The following CDH20 variants were observed in gnomAD, a reference collection of about 807,000 sequenced individuals.
CDH20 encodes cadherin-20.
In CDH20, 29 loss-of-function variants were observed where a neutral mutation model predicts 74.2. The observed-to-expected ratio is 0.39, with a 90% confidence interval of 0.29 to 0.53. The LOEUF is 0.53. Among genes scored for constraint, CDH20 ranks in the 20% least tolerant of loss-of-function variants. The pLI is 0.69. For synonymous variants in CDH20, 469 were observed against 405.4 expected, an observed-to-expected ratio of 1.16 and a Z score of -1.88; for missense variants, 988 against 1,048.3, an observed-to-expected ratio of 0.94 and a Z score of 0.79.
intron 1 of CDH20, among the ~76,000 whole-genome samples, chr18:61,346,777 A>AT (rs778080372): frequency 2.0e-5 from 3 of 152,180 alleles, no homozygotes; most frequent in East Asian, 3.9e-4. Flanking sequence ...TAGGTGAGTG[A>AT]TTTTTTATAT....
intron 1 of CDH20, among the ~76,000 whole-genome samples, chr18:61,475,006 T>C (rs1395208991): frequency 6.6e-6 from 1 of 151,994 alleles, no homozygotes; most frequent in Non-Finnish European, 1.5e-5. Flanking sequence ...CCAGATTGTG[T>C]AGGTCCTTAA....
intron 1 of CDH20, among the ~76,000 whole-genome samples, chr18:61,384,551 T>G (rs975300224): frequency 1.3e-5 from 2 of 152,196 alleles, no homozygotes; most frequent in Admixed American, 1.3e-4. Context: ...CCAAAAAGAT[T>G]GGCTGTCATT....
intron 1 of CDH20, among the ~76,000 whole-genome samples, chr18:61,478,579 C>T (rs76971604): frequency 0.029 from 4,411 of 152,048 alleles, 100 homozygotes; most frequent in Middle Eastern, 0.11. Context: ...TTTGTTTTTC[C>T]GTGTATTCTA....
intron 1 of CDH20, among the ~76,000 whole-genome samples, chr18:61,488,814 C>T (rs749792066): frequency 6.6e-6 from 1 of 152,022 alleles, no homozygotes; most frequent in Non-Finnish European, 1.5e-5. Flanking sequence ...GTCATCAATT[C>T]GTTTCCTGGG....
intron 1 of CDH20, among the ~76,000 whole-genome samples, chr18:61,456,415 C>T (rs1310733233): frequency 6.6e-6 from 1 of 152,080 alleles, no homozygotes; most frequent in Admixed American, 6.6e-5. Flanking sequence ...TTATATTTGG[C>T]AGTTAAAACC....
intron 1 of CDH20, among the ~76,000 whole-genome samples, chr18:61,381,201 C>T (rs116769995): frequency 5.1e-4 from 77 of 152,192 alleles, no homozygotes; most frequent in African/African-American, 1.8e-3. Context: ...GACAAAGATG[C>T]TTGGAGCTAA....
intron 1 of CDH20, among the ~76,000 whole-genome samples, chr18:61,401,380 T>C (rs928757796): frequency 2.0e-5 from 3 of 152,230 alleles, no homozygotes; most frequent in Non-Finnish European, 4.4e-5. Context: ...TTGGGTTCTA[T>C]ACATTAGTGA....
At chr18:61,373,206 A>G (rs1234742355) in intron 1 of CDH20, among the ~76,000 whole-genome samples, 4 of 151,102 alleles carry the variant, frequency 2.6e-5, no homozygotes, top group African/African-American at 9.7e-5. Context: ...CTAAGGCAGG[A>G]TTTTACTTTG....
chr18:61,472,269 G>A (rs1255546009), intron 1 of CDH20, among the ~76,000 whole-genome samples: 2 of 151,984 alleles, frequency 1.3e-5, no homozygotes, highest in Admixed American at 1.3e-4. Flanking sequence ...TCAGCAACTT[G>A]GGGGCTGGCT....
chr18:61,551,832 T>G (rs1430927209), intron 11 of CDH20, among the ~76,000 whole-genome samples: 1 of 152,152 alleles, frequency 6.6e-6, no homozygotes, highest in Non-Finnish European at 1.5e-5. Context: ...AGTTAAAAGT[T>G]CGCCCTGGCC....
chr18:61,387,964 GAA>G (rs34955035), intron 1 of CDH20, among the ~76,000 whole-genome samples: 3 of 146,274 alleles, frequency 2.1e-5, no homozygotes, highest in Non-Finnish European at 4.5e-5. Context: ...TTATAGTGGG[GAA>G]AAAAAAAAAC....
chr18:61,524,765 A>G (rs1912327059), intron 6 of CDH20, among the ~76,000 whole-genome samples: 1 of 152,210 alleles, frequency 6.6e-6, no homozygotes, highest in South Asian at 2.1e-4. Flanking sequence ...TACTGAAAAT[A>G]CAAAAATTAG....
At chr18:61,525,542 C>A (rs1165432456) in intron 6 of CDH20, among the ~76,000 whole-genome samples, 2 of 152,068 alleles carry the variant, frequency 1.3e-5, no homozygotes, top group Admixed American at 6.6e-5. Flanking sequence ...GAAAACCTTG[C>A]CTTTTCAATG....
intron 6 of CDH20, among the ~76,000 whole-genome samples, chr18:61,523,243 A>G (rs900021189): frequency 6.6e-6 from 1 of 151,938 alleles, no homozygotes; most frequent in Non-Finnish European, 1.5e-5. Context: ...CAACCACATC[A>G]AAAAGCGGGC....
intron 3 of CDH20, 63 bp downstream of exon 3, chr18:61,499,543 C>T: frequency 9.1e-6 from 11 of 1,207,860 alleles, no homozygotes; most frequent in African/African-American, 1.5e-5. Context: ...CACACACACA[C>T]ATATGCACAT....
intron 1 of CDH20, among the ~76,000 whole-genome samples, chr18:61,389,517 T>A (rs1053662457): frequency 6.6e-6 from 1 of 152,212 alleles, no homozygotes; most frequent in African/African-American, 2.4e-5. Context: ...TGAATTTGTA[T>A]ACTTATTCAA....
chr18:61,499,361 C>T lies in CDH20; in HGVS notation c.422C>T (p.Thr141Met), dbSNP rs761069057. 3.2e-5 allele frequency: 51 copies of T among 1,613,874 alleles called. No homozygotes were observed. Among genetic ancestry groups the T allele is most frequent in the South Asian group, 2.7e-4 (25 of 91,044 alleles). Residue 141 changes from threonine to methionine, a missense_variant, in exon 3 of 12, where the codon ACG becomes ATG. Coordinates refer to ENST00000262717, the MANE Select transcript of CDH20 (RefSeq NM_031891.4). The part of the protein sequence containing the change: ...TLRAQALDRR[T>M]GRPMEPESEF... ...AGGGCTCAAGCCCTAGACAGGCGGA[C>T]GGGCAGGCCAATGGAGCCCGAGTCA...
intron 1 of CDH20, among the ~76,000 whole-genome samples, chr18:61,432,819 T>C (rs1188853873): frequency 1.3e-5 from 2 of 152,342 alleles, no homozygotes; most frequent in Non-Finnish European, 2.9e-5. Context: ...CCCTTCTTCC[T>C]TTCTTCCCTC....
At chr18:61,404,515 G>C (rs1423455660) in intron 1 of CDH20, among the ~76,000 whole-genome samples, 2 of 152,156 alleles carry the variant, frequency 1.3e-5, no homozygotes, top group East Asian at 3.9e-4. Flanking sequence ...GATCTGTAGG[G>C]AGCAATGAAA....
Sources: gnomAD v4.1 joint callset for allele counts (sites outside exome capture counted in the v4.1 genomes callset) on GRCh38, gnomAD v4.1.1 for gene constraint, MANE v1.5 for transcripts, NCBI Gene and HGNC (gene_info 2026-07-23, HGNC 2026-07-21) for gene names.